NEMP2: variants seen among roughly 807,000 people sequenced by gnomAD.
NEMP2 encodes the protein nuclear envelope integral membrane protein 2.
NEMP2 carries 53 observed loss-of-function variants against 54.2 expected under a neutral mutation model. The ratio of observed to expected loss-of-function variants is 0.98; its 90% confidence interval spans 0.78 to 1.23. The LOEUF (loss-of-function observed/expected upper bound fraction) is 1.23, where lower values mean the gene tolerates loss of function less well. Ranked by LOEUF, NEMP2 falls within the 50% of genes most tolerant of loss-of-function variation. The pLI is 0.00. For missense variants in NEMP2, 455 were observed against 511.3 expected, an observed-to-expected ratio of 0.89 and a Z score of 1.06; for synonymous variants, 197 against 190.3, an observed-to-expected ratio of 1.04 and a Z score of -0.29.
the NEMP2 span, among the ~76,000 whole-genome samples, chr2:190,475,339 C>T: frequency 6.6e-6 from 1 of 152,188 alleles, no homozygotes; most frequent in African/African-American, 2.4e-5. Context: ...CCAAAATCTC[C>T]TTAAGCTGAT....
the NEMP2 span, among the ~76,000 whole-genome samples, chr2:190,571,562 A>ATAAT: frequency 4.0e-4 from 61 of 151,812 alleles, no homozygotes; most frequent in Admixed American, 7.9e-4. Flanking sequence ...AATAATAATA[A>ATAAT]TAATAATAAA....
chr2:190,484,602 A>G, the NEMP2 span, among the ~76,000 whole-genome samples: 1 of 152,192 alleles, frequency 6.6e-6, no homozygotes. Flanking sequence ...CAAATGTAGT[A>G]AAAACATTGG....
chr2:190,557,207 C>CA, the NEMP2 span, among the ~76,000 whole-genome samples: 5 of 151,972 alleles, frequency 3.3e-5, no homozygotes, highest in African/African-American at 1.2e-4. Flanking sequence ...ACAAACCTGA[C>CA]AAAAAACAAG....
At chr2:190,647,710 C>CTTTTTTTTTTTTTTTT in the NEMP2 span, among the ~76,000 whole-genome samples, 3 of 102,372 alleles carry the variant, frequency 2.9e-5, no homozygotes, top group Admixed American at 1.3e-4. Flanking sequence ...TCTTCTTCTT[C>CTTTTTTTTTTTTTTTT]TTTTTTTTTT....
the NEMP2 span, among the ~76,000 whole-genome samples, chr2:190,604,269 A>T: frequency 6.6e-6 from 1 of 152,216 alleles, no homozygotes; most frequent in Admixed American, 6.5e-5. The surrounding 1 kb of genome is among the most constrained non-coding windows in gnomAD (Gnocchi z 4.5). Context: ...GGGTGACTAG[A>T]GGGATCAAAT....
chr2:190,638,284 T>TGC, the NEMP2 span, among the ~76,000 whole-genome samples: 1 of 152,146 alleles, frequency 6.6e-6, no homozygotes, highest in East Asian at 1.9e-4. The surrounding 1 kb of genome is among the most constrained non-coding windows in gnomAD (Gnocchi z 5.7). Flanking sequence ...CTTCTCTGAG[T>TGC]ATCCATTCTG....
upstream of NEMP2, chr2:190,535,032 C>G (rs1691324806): frequency 5.5e-6 from 1 of 182,714 alleles, no homozygotes; most frequent in African/African-American, 2.3e-5. Context: ...GTGGGAGTTG[C>G]AGAGAGGAAG....
chr2:190,431,392 C>T, the NEMP2 span, among the ~76,000 whole-genome samples: 1 of 152,226 alleles, frequency 6.6e-6, no homozygotes, highest in Admixed American at 6.5e-5. The surrounding 1 kb of genome is among the most constrained non-coding windows in gnomAD (Gnocchi z 4.4). Context: ...GAGATCACCC[C>T]ACTGCACTCC....
the NEMP2 span, among the ~76,000 whole-genome samples, chr2:190,612,145 C>T: frequency 1.4e-5 from 2 of 146,880 alleles, no homozygotes; most frequent in Non-Finnish European, 3.0e-5. Context: ...TTGTCCTAAA[C>T]ATCCCTCTTT....
chr2:190,629,736 G>A, the NEMP2 span: 1 of 152,210 alleles, frequency 6.6e-6, no homozygotes, highest in African/African-American at 2.4e-5. Flanking sequence ...AGACATCTCA[G>A]TTGGTTCCAC....
the NEMP2 span, among the ~76,000 whole-genome samples, chr2:190,494,045 C>CA: frequency 2.0e-5 from 3 of 151,012 alleles, no homozygotes; most frequent in Non-Finnish European, 4.4e-5. The surrounding 1 kb of genome is among the most constrained non-coding windows in gnomAD (Gnocchi z 5.7). Context: ...AAAAAAAATA[C>CA]AAAAAATAAA....
chr2:190,638,981 G>A, the NEMP2 span, among the ~76,000 whole-genome samples: 3 of 152,170 alleles, frequency 2.0e-5, no homozygotes, highest in Non-Finnish European at 4.4e-5. The surrounding 1 kb of genome is among the most constrained non-coding windows in gnomAD (Gnocchi z 5.7). Flanking sequence ...TGAAAGCCCA[G>A]TGAACGTCAC....
upstream of NEMP2, chr2:190,534,737 G>A: frequency 1.9e-6 from 2 of 1,055,120 alleles, no homozygotes; most frequent in East Asian, 3.3e-5. Context: ...CGGGGGCTCA[G>A]AGAAGGCGGA....
rs557845176 is a variant in NEMP2 at position 190,527,775 on chromosome 2, G to A, written c.98-2397C>T. The stretch of plus-strand genomic sequence containing the variant: ...CTGAGCTCCACCTCCTGTCAGATCA[G>A]CAGTGGCATTAGATTATCATAGGAG... On this transcript the variant is annotated intron_variant, in intron 1 of 8. Transcript: ENST00000409150. This position sits in a 1 kb window ranked among gnomAD's most constrained non-coding sequence, Gnocchi z 4.0. 6.6e-6 allele frequency among the ~76,000 whole-genome samples: 1 copy of A among 152,266 alleles called. No individual in the cohort carries two copies. Among genetic ancestry groups the A allele is most frequent in the South Asian group, 2.1e-4 (1 of 4,816 alleles).
chr2:190,499,839 T>C (rs1219859661), downstream of NEMP2: 5 of 1,544,332 alleles, frequency 3.2e-6, no homozygotes, highest in Non-Finnish European at 4.4e-6. The surrounding 1 kb of genome is among the most constrained non-coding windows in gnomAD (Gnocchi z 6.0). Context: ...CAGTTGCACA[T>C]AGGAAAGGAG....
the NEMP2 span, among the ~76,000 whole-genome samples, chr2:190,434,093 G>A: frequency 4.0e-5 from 6 of 151,668 alleles, no homozygotes; most frequent in Non-Finnish European, 7.4e-5. This position sits in a 1 kb window ranked among gnomAD's most constrained non-coding sequence, Gnocchi z 4.3. Flanking sequence ...TGAGGTGGAA[G>A]GATTGCTTGA....
the NEMP2 span, among the ~76,000 whole-genome samples, chr2:190,431,659 A>C: frequency 1.3e-3 from 201 of 152,338 alleles, no homozygotes; most frequent in Non-Finnish European, 1.8e-3. The surrounding 1 kb of genome is among the most constrained non-coding windows in gnomAD (Gnocchi z 4.4). Context: ...GCAGCAGTAC[A>C]GTCCAGCTTC....
the NEMP2 span, among the ~76,000 whole-genome samples, chr2:190,541,718 G>A: frequency 1.4e-4 from 21 of 152,186 alleles, no homozygotes; most frequent in Admixed American, 7.9e-4. This position sits in a 1 kb window ranked among gnomAD's most constrained non-coding sequence, Gnocchi z 5.2. Context: ...TTGCAACTTA[G>A]TGTTTTTACC....
chr2:190,437,307 C>G, the NEMP2 span: 4 of 1,614,254 alleles, frequency 2.5e-6, no homozygotes, highest in Non-Finnish European at 3.4e-6. The surrounding 1 kb of genome is among the most constrained non-coding windows in gnomAD (Gnocchi z 5.9). Context: ...CACCAACCAC[C>G]ACAAGCCACT....
Sources: allele counts gnomAD v4.1 joint callset (sites outside exome capture counted in the v4.1 genomes callset), GRCh38; gene constraint gnomAD v4.1.1; non-coding constraint Gnocchi (gnomAD v3.1); transcripts MANE v1.5; gene names NCBI Gene and HGNC (gene_info 2026-07-23, HGNC 2026-07-21).